Variants in SNTG1 observed in about 807,000 individuals in gnomAD.
SNTG1 encodes gamma-1-syntrophin.
Under a neutral mutation model 74.7 loss-of-function variants are expected in SNTG1, and 39 were observed. That is an observed-to-expected ratio of 0.52 (90% CI 0.40 to 0.68). SNTG1 has a LOEUF of 0.68. Among genes scored for constraint, SNTG1 ranks in the 30% least tolerant of loss-of-function variants. The probability of loss-of-function intolerance (pLI) is 0.00; values close to 1 mark genes in which losing one functional copy is unlikely to be tolerated. For synonymous variants in SNTG1, 254 were observed against 217.1 expected (o/e 1.17, Z -1.49); for missense variants, 685 against 609.5 (o/e 1.12, Z -1.30).
intron 9 of SNTG1, among the ~76,000 whole-genome samples, chr8:50,509,316 T>G (rs1229171350): frequency 6.6e-6 from 1 of 152,236 alleles, no homozygotes; most frequent in Non-Finnish European, 1.5e-5. Flanking sequence ...CTGTTTTGGT[T>G]ACTGTAGCCT....
At chr8:50,322,277 G>GA (rs1053336567) in intron 2 of SNTG1, among the ~76,000 whole-genome samples, 34 of 152,012 alleles carry the variant, frequency 2.2e-4, no homozygotes, top group African/African-American at 3.4e-4. Flanking sequence ...ACTATTCTAG[G>GA]AAAAAAGGTG....
At chr8:49,924,010 T>A (rs1379897049) in intron 1 of SNTG1, among the ~76,000 whole-genome samples, 2 of 152,198 alleles carry the variant, frequency 1.3e-5, no homozygotes, top group Non-Finnish European at 2.9e-5. Flanking sequence ...AATGTGTTTT[T>A]GTTAATACCA....
intron 2 of SNTG1, among the ~76,000 whole-genome samples, chr8:50,268,261 T>C (rs140470141): frequency 6.6e-6 from 1 of 152,176 alleles, no homozygotes; most frequent in Non-Finnish European, 1.5e-5. Flanking sequence ...TCAACCTATA[T>C]TTAAATAAAT....
chr8:50,532,252 A>C (rs1292814325), intron 10 of SNTG1, among the ~76,000 whole-genome samples: 2 of 152,166 alleles, frequency 1.3e-5, no homozygotes, highest in African/African-American at 4.8e-5. Flanking sequence ...AAACAAAATA[A>C]AGTATATTCA....
intron 1 of SNTG1, among the ~76,000 whole-genome samples, chr8:49,965,567 G>C (rs1811064483): frequency 1.3e-5 from 2 of 152,158 alleles, no homozygotes; most frequent in South Asian, 4.1e-4. Context: ...ATAGTCTCTA[G>C]GGAAATGTGA....
chr8:50,197,867 A>C (rs1461937623), intron 2 of SNTG1, among the ~76,000 whole-genome samples: 1 of 152,042 alleles, frequency 6.6e-6, no homozygotes, highest in Non-Finnish European at 1.5e-5. Context: ...CATATTTATT[A>C]TATTTTCTTT....
intron 4 of SNTG1, among the ~76,000 whole-genome samples, chr8:50,429,087 T>C (rs994914631): frequency 6.6e-6 from 1 of 151,808 alleles, no homozygotes; most frequent in African/African-American, 2.4e-5. Flanking sequence ...TTGATCTACA[T>C]TATAAATCCC....
At chr8:50,391,296 G>T (rs960450754) in intron 2 of SNTG1, among the ~76,000 whole-genome samples, 1 of 152,108 alleles carries the variant, frequency 6.6e-6, no homozygotes, top group Non-Finnish European at 1.5e-5. Flanking sequence ...GTTGAATTTT[G>T]TCGAAGGTCT....
intron 1 of SNTG1, among the ~76,000 whole-genome samples, chr8:49,952,542 G>T (rs1033429007): frequency 6.6e-6 from 1 of 152,158 alleles, no homozygotes; most frequent in Admixed American, 6.5e-5. Context: ...CATAGAATAG[G>T]TTAGAGAAAT....
chr8:50,624,105 A>T (rs2094941190), intron 13 of SNTG1, among the ~76,000 whole-genome samples: 1 of 152,030 alleles, frequency 6.6e-6, no homozygotes. Flanking sequence ...AAATTCTCTA[A>T]CAGTGGAATT....
intron 1 of SNTG1, among the ~76,000 whole-genome samples, chr8:50,084,838 A>G (rs995853764): frequency 1.3e-5 from 2 of 152,126 alleles, no homozygotes; most frequent in African/African-American, 4.8e-5. Context: ...TCTTTTTTCT[A>G]TCTCTAGGGC....
chr8:50,186,157 A>G (rs1009101822), intron 2 of SNTG1, among the ~76,000 whole-genome samples: 1 of 152,078 alleles, frequency 6.6e-6, no homozygotes, highest in African/African-American at 2.4e-5. Flanking sequence ...TTCTTGAACC[A>G]TGTCCCTGCA....
intron 2 of SNTG1, among the ~76,000 whole-genome samples, chr8:50,252,177 A>G (rs1395743109): frequency 6.6e-6 from 1 of 152,158 alleles, no homozygotes; most frequent in African/African-American, 2.4e-5. Flanking sequence ...ATAAAAACAC[A>G]TCATACTGAA....
chr8:50,608,699 A>T (rs1187599766), intron 13 of SNTG1, among the ~76,000 whole-genome samples: 2 of 151,840 alleles, frequency 1.3e-5, no homozygotes, highest in African/African-American at 4.8e-5. Context: ...AGTCAATCAC[A>T]TTTGAAATAA....
At chr8:50,193,183 T>C (rs1228286582) in intron 2 of SNTG1, among the ~76,000 whole-genome samples, 1 of 152,058 alleles carries the variant, frequency 6.6e-6, no homozygotes, top group Non-Finnish European at 1.5e-5. Flanking sequence ...TAATTCTGTG[T>C]AGAATGATGG....
chr8:50,259,392 A>T lies in SNTG1; in HGVS notation c.-28+86757A>T, dbSNP rs192574533. Among the ~76,000 whole-genome samples, 3 of 151,492 alleles carry T rather than the reference A, an allele frequency of 2.0e-5. No individual in the cohort carries two copies. In the East Asian group the frequency reaches 5.9e-4, roughly 30 times the overall value. ...TGTGCACCTGTAATCCTAGCTACCC[A>T]GGAGGCTGAGGCAGGAGAATCACTT... On this transcript the variant is annotated intron_variant, in intron 2 of 18. Transcript: ENST00000642720.
intron 1 of SNTG1, among the ~76,000 whole-genome samples, chr8:50,152,239 T>C (rs1351929515): frequency 6.6e-6 from 1 of 152,186 alleles, no homozygotes; most frequent in African/African-American, 2.4e-5. Context: ...CCCCTGCCAT[T>C]TTTTGTTTTC....
chr8:50,048,598 C>T (rs1199946495), intron 1 of SNTG1, among the ~76,000 whole-genome samples: 1 of 152,040 alleles, frequency 6.6e-6, no homozygotes, highest in Non-Finnish European at 1.5e-5. Context: ...GGTGTCAGCT[C>T]CTAATGAACA....
chr8:50,484,492 G>C (rs937180321), intron 8 of SNTG1, among the ~76,000 whole-genome samples: 1 of 151,320 alleles, frequency 6.6e-6, no homozygotes, highest in South Asian at 2.1e-4. Context: ...TGTGATTACA[G>C]GCGTGAGCCT....
Sources: allele counts gnomAD v4.1 joint callset (sites outside exome capture counted in the v4.1 genomes callset), GRCh38; gene constraint gnomAD v4.1.1; transcripts MANE v1.5; gene names NCBI Gene and HGNC (gene_info 2026-07-23, HGNC 2026-07-21).